The following KLHL13 variants were observed in gnomAD, a reference collection of about 807,000 sequenced individuals.
KLHL13 encodes the protein kelch-like protein 13.
In KLHL13, 10 loss-of-function variants were observed where a neutral mutation model predicts 37.1. The observed-to-expected ratio is 0.27, with a 90% confidence interval of 0.17 to 0.46. The LOEUF is 0.46. KLHL13 is among the 20% of genes least tolerant of loss of function. The pLI, the probability that KLHL13 is intolerant of heterozygous loss-of-function variation, is 1.00. For missense variants in KLHL13, 360 were observed against 509.3 expected, an observed-to-expected ratio of 0.71 and a Z score of 2.82; for synonymous variants, 163 against 181.2, an observed-to-expected ratio of 0.90 and a Z score of 0.81.
intron 2 of KLHL13, among the ~76,000 whole-genome samples, chrX:117,941,001 A>T (rs1932994705): frequency 8.9e-6 from 1 of 112,043 alleles, no homozygotes; most frequent in Non-Finnish European, 1.9e-5. Flanking sequence ...GTGGTGAGAG[A>T]TGGCATCCTT....
chrX:118,058,877 A>C (rs1225249731), intron 1 of KLHL13, among the ~76,000 whole-genome samples: 1 of 111,721 alleles, frequency 9.0e-6, no homozygotes, highest in Non-Finnish European at 1.9e-5. Context: ...AACAAGTAAA[A>C]AAGAGGCCTC....
At chrX:117,987,910 G>C (rs2053746173) in intron 1 of KLHL13, among the ~76,000 whole-genome samples, 1 of 111,821 alleles carries the variant, frequency 8.9e-6, no homozygotes, top group Non-Finnish European at 1.9e-5. Flanking sequence ...GTGAGTTGGT[G>C]AATGTGCCAC....
chrX:117,914,129 T>G (rs1260857303), intron 4 of KLHL13: 4 of 110,825 alleles, frequency 3.6e-5, no homozygotes, highest in African/African-American at 1.3e-4. Context: ...TAACATAATT[T>G]GCTATTTTAA....
At chrX:118,043,661 GA>G (rs1377886831) in intron 1 of KLHL13, among the ~76,000 whole-genome samples, 1 of 111,655 alleles carries the variant, frequency 9.0e-6, no homozygotes, top group Admixed American at 9.5e-5. Context: ...AATTGATAAT[GA>G]AAAAGTATTT....
rs375089549 is a variant in KLHL13, at chrX:118,083,508, CATA to C, written c.-56+32997_-56+32999del. Among the ~76,000 whole-genome samples the C allele has an allele frequency of 3.9e-3, 430 of 111,418 alleles. 7 individuals carry two copies. Among genetic ancestry groups the C allele is most frequent in the African/African-American group, 0.013 (384 of 30,651 alleles). ...AGGACAAATACCATATGATTCCACT[CATA>C]ATGAGGAATTTTTTAAGTTTATCTC... On this transcript the variant is annotated intron_variant, in intron 1 of 6. Transcript: ENST00000371882.
intron 1 of KLHL13, among the ~76,000 whole-genome samples, chrX:118,100,490 C>A (rs1046793461): frequency 9.0e-6 from 1 of 111,718 alleles, no homozygotes; most frequent in African/African-American, 3.3e-5. Context: ...GATAGTATAT[C>A]ATGTTTTTGC....
intron 1 of KLHL13, among the ~76,000 whole-genome samples, chrX:118,017,957 G>T (rs186392850): frequency 9.0e-6 from 1 of 111,068 alleles, no homozygotes; most frequent in African/African-American, 3.3e-5. Flanking sequence ...AGAAAATACC[G>T]CCACAACAAC....
intron 1 of KLHL13, among the ~76,000 whole-genome samples, chrX:118,095,862 T>C (rs1211064610): frequency 8.9e-6 from 1 of 111,882 alleles, no homozygotes; most frequent in Non-Finnish European, 1.9e-5. Context: ...AGACACAACA[T>C]ACCAGAATCT....
chrX:118,017,464 G>T (rs1228218106), intron 1 of KLHL13, among the ~76,000 whole-genome samples: 1 of 111,437 alleles, frequency 9.0e-6, no homozygotes, highest in Non-Finnish European at 1.9e-5. Context: ...TTAGAACCTA[G>T]AGAAAAATGA....
At chrX:117,997,793 T>A (rs1178368371) in intron 1 of KLHL13, among the ~76,000 whole-genome samples, 2 of 111,925 alleles carry the variant, frequency 1.8e-5, no homozygotes, top group Non-Finnish European at 3.8e-5. Context: ...TGTCTAATAA[T>A]TCTATGTATT....
intron 1 of KLHL13, among the ~76,000 whole-genome samples, chrX:118,066,905 C>G (rs1008019937): frequency 3.6e-5 from 4 of 111,696 alleles, no homozygotes; most frequent in African/African-American, 1.3e-4. Context: ...CATTAAGGTA[C>G]GTGCCCATGA....
At chrX:117,983,599 G>A in intron 1 of KLHL13, 2 of 868,176 alleles carry the variant, frequency 2.3e-6, no homozygotes, top group African/African-American at 2.0e-5. Flanking sequence ...ATTATATTTA[G>A]TTCAAATTTT....
At chrX:117,985,389 C>G in intron 1 of KLHL13, 1 of 981,740 alleles carries the variant, frequency 1.0e-6, no homozygotes, top group Non-Finnish European at 1.3e-6. Context: ...CCCAGTGCAT[C>G]TGCCTGGTAC....
At position 118,108,422 on chromosome X, in the gene KLHL13, C is replaced by T. The variant is rs942421918; in HGVS notation, c.-56+8086G>A. Among the ~76,000 whole-genome samples, 4 of 112,342 alleles carry T rather than the reference C, an allele frequency of 3.6e-5. No individual in the cohort carries two copies. In the Admixed American group the frequency reaches 3.8e-4, roughly 11 times the overall value. ...GTTTGACTTACTCCATTTACTTTCA[C>T]CCCCTTTCTTCACTTGCCTTTTTCT... is the stretch of plus-strand genomic sequence containing the variant. On this transcript the variant is annotated intron_variant, in intron 1 of 6. Coordinates refer to the KLHL13 transcript ENST00000371882.
At position 117,996,854 on chromosome X, in the gene KLHL13, T is replaced by C. The variant is rs1427867915; in HGVS notation, c.-55-51279A>G. On this transcript the variant is annotated intron_variant, in intron 1 of 6. Coordinates refer to the KLHL13 transcript ENST00000371882. ...TTAAAAAAAAAAAAAAAGCTACATGTGCTATGCTCACATATTATTTGCCAA... is the reference window on the plus strand; with the variant it reads ...TTAAAAAAAAAAAAAAAGCTACATGCGCTATGCTCACATATTATTTGCCAA... Among the ~76,000 whole-genome samples the C allele has an allele frequency of 3.7e-5, 4 of 108,632 alleles. No homozygotes were observed. In the Admixed American group the frequency reaches 3.9e-4, roughly 11 times the overall value. The allele number at this position is 108,632 out of a possible 115,157, so 94.3% of individuals were successfully genotyped here.
At chrX:117,927,966 C>T (rs1453867262) in intron 2 of KLHL13, among the ~76,000 whole-genome samples, 4 of 111,592 alleles carry the variant, frequency 3.6e-5, no homozygotes, top group Non-Finnish European at 7.5e-5. Flanking sequence ...AAAAAATTGA[C>T]TTTTACTGTA....
intron 1 of KLHL13, among the ~76,000 whole-genome samples, chrX:117,951,367 CTT>C (rs1933591924): frequency 8.9e-6 from 1 of 111,936 alleles, no homozygotes; most frequent in Non-Finnish European, 1.9e-5. Flanking sequence ...ACTTCTCTCT[CTT>C]TTTTCTTTTT....
intron 1 of KLHL13, among the ~76,000 whole-genome samples, chrX:117,989,914 T>C (rs2053769504): frequency 9.0e-6 from 1 of 111,209 alleles, no homozygotes; most frequent in Non-Finnish European, 1.9e-5. Context: ...TATGTCTCCC[T>C]AGACTATAAA....
intron 1 of KLHL13, among the ~76,000 whole-genome samples, chrX:118,097,179 C>T (rs1163211987): frequency 2.7e-5 from 3 of 111,218 alleles, no homozygotes; most frequent in Non-Finnish European, 3.8e-5. Context: ...TCTAGAAAAC[C>T]CCATTGTCTC....
Sources: allele counts gnomAD v4.1 joint callset (sites outside exome capture counted in the v4.1 genomes callset), GRCh38; gene constraint gnomAD v4.1.1; transcripts MANE v1.5; gene names NCBI Gene and HGNC (gene_info 2026-07-23, HGNC 2026-07-21).